VRTN: variants seen among roughly 807,000 people sequenced by gnomAD.
The protein encoded by VRTN is vertnin.
Under a neutral mutation model 18.2 loss-of-function variants are expected in VRTN, and 5 were observed. The observed-to-expected ratio is 0.27, with a 90% CI of 0.14 to 0.58. The LOEUF (loss-of-function observed/expected upper bound fraction) is 0.58. Ranked by LOEUF, VRTN falls within the 20% of genes least tolerant of loss-of-function variation. The pLI is 0.91. For missense variants in VRTN, 741 were observed against 939.4 expected (o/e 0.79, Z 2.76); for synonymous variants, 381 against 393.7 (o/e 0.97, Z 0.38).
At chr14:74,349,390 G>C (rs1181691666) in intron 1 of VRTN, among the ~76,000 whole-genome samples, 1 of 152,220 alleles carries the variant, frequency 6.6e-6, no homozygotes, top group East Asian at 1.9e-4. Context: ...GGGCAGGGCA[G>C]AGAGGCACGG....
rs1567047613 is a variant in VRTN, at chr14:74,358,947, G to A, written c.*55G>A. On this transcript the variant is annotated 3_prime_UTR_variant, in exon 2 of 2. Transcript: ENST00000256362. This position sits in a 1 kb window ranked among gnomAD's most constrained non-coding sequence, Gnocchi z 5.4. ...GGGGGACCAGTTTGGAGAGGGTCAG[G>A]GACCTGAGCTGACCCCAGGCTTGGC... The A allele has an allele frequency of 1.3e-6, 2 of 1,544,754 alleles. No homozygotes were observed. Among genetic ancestry groups the A allele is most frequent in the South Asian group, 1.3e-5 (1 of 79,682 alleles).
At chr14:74,320,505 G>GC (rs1567039591) in intron 1 of VRTN, among the ~76,000 whole-genome samples, 1 of 134,738 alleles carries the variant, frequency 7.4e-6, no homozygotes, top group African/African-American at 2.8e-5. Context: ...CTTGTGATCC[G>GC]CCCGCCTTGG....
At chr14:74,348,322 C>T (rs759494245), upstream of VRTN, 1 of 152,182 alleles carries the variant, frequency 6.6e-6, no homozygotes, top group African/African-American at 2.4e-5. Context: ...ACTTTAACAC[C>T]CCCAGCTGGG....
intron 2 of VRTN, among the ~76,000 whole-genome samples, chr14:74,340,364 G>A (rs924485658): frequency 1.3e-4 from 19 of 151,676 alleles, no homozygotes; most frequent in African/African-American, 3.9e-4. Flanking sequence ...CACCCACCTC[G>A]GCCTCCCAAA....
intron 1 of VRTN, among the ~76,000 whole-genome samples, chr14:74,309,558 A>G (rs1324868508): frequency 1.3e-5 from 2 of 152,178 alleles, no homozygotes; most frequent in African/African-American, 4.8e-5. Context: ...AAAAACACAC[A>G]GTGAGGCTAG....
intron 1 of VRTN, among the ~76,000 whole-genome samples, chr14:74,331,095 G>A (rs1036747548): frequency 3.9e-5 from 6 of 151,962 alleles, no homozygotes; most frequent in East Asian, 2.0e-4. Flanking sequence ...CCAGCTACTC[G>A]GGAGGCTGAG....
chr14:74,338,591 G>A (rs2085580575), intron 2 of VRTN, among the ~76,000 whole-genome samples: 2 of 152,186 alleles, frequency 1.3e-5, no homozygotes, highest in African/African-American at 4.8e-5. Context: ...ATCTTGCTCT[G>A]TTGCCCAGGC....
At chr14:74,334,546 A>G (rs1180599857) in intron 1 of VRTN, among the ~76,000 whole-genome samples, 1 of 152,146 alleles carries the variant, frequency 6.6e-6, no homozygotes, top group East Asian at 1.9e-4. Context: ...ACAATAAACC[A>G]ATTGCTGGGG....
chr14:74,331,420 T>A (rs1047626690), intron 1 of VRTN, among the ~76,000 whole-genome samples: 4 of 149,390 alleles, frequency 2.7e-5, no homozygotes, highest in Admixed American at 6.7e-5. Context: ...TTCCAGCTAC[T>A]CAGGAGGTTG....
At position 74,359,067 on chromosome 14, in the gene VRTN, A is replaced by ATC; in HGVS notation, c.*176_*177dup. On this transcript the variant is annotated 3_prime_UTR_variant, in exon 2 of 2. Transcript: ENST00000256362. ...GGCTCCAGGACAGAGAATGCCAGAA[A>ATC]TCAGCCATCTGGTCTCCCGTAGGAA... is the stretch of plus-strand genomic sequence containing the variant. 8.0e-7 allele frequency: 1 copy of ATC among 1,256,588 alleles called. No homozygotes were observed. Among genetic ancestry groups the ATC allele is most frequent in the Non-Finnish European group, 1.0e-6 (1 of 961,534 alleles). 77.8% of individuals were successfully genotyped at this position (1,256,588 alleles called of 1,614,324 possible).
intron 1 of VRTN, among the ~76,000 whole-genome samples, chr14:74,354,242 AGATATATAGATG>A (rs1488087264): frequency 2.0e-5 from 3 of 152,138 alleles, no homozygotes; most frequent in African/African-American, 7.2e-5. Flanking sequence ...TAACTTCATC[AGATATATAGATG>A]GAAAAAGGAG....
At chr14:74,331,581 T>G in intron 1 of VRTN, among the ~76,000 whole-genome samples, 1 of 106,710 alleles carries the variant, frequency 9.4e-6, no homozygotes, top group Non-Finnish European at 1.9e-5. Flanking sequence ...TATATATATA[T>G]ATATATATAC....
At chr14:74,351,252 G>A (rs183783217) in intron 1 of VRTN, among the ~76,000 whole-genome samples, 8 of 152,238 alleles carry the variant, frequency 5.3e-5, no homozygotes, top group Non-Finnish European at 8.8e-5. Flanking sequence ...AATGTTAAGT[G>A]CTGTCTTTAC....
Position 74,356,838 on chromosome 14 carries a change from G to A in VRTN, c.55G>A (p.Val19Met). The A allele has an allele frequency of 6.2e-7, 1 of 1,612,830 alleles. No individual in the cohort carries two copies. Among genetic ancestry groups the A allele is most frequent in the Non-Finnish European group, 8.5e-7 (1 of 1,179,450 alleles). Reference protein sequence around the residue: ...QKVLQELQEAVECEGLEGLIG... With the variant: ...QKVLQELQEAMECEGLEGLIG... ...GGTGCTGCAGGAGCTGCAGGAAGCA[G>A]TGGAGTGCGAAGGCCTGGAGGGTCT... is the stretch of plus-strand genomic sequence containing the variant. Residue 19 changes from valine to methionine, a missense_variant, in exon 2 of 2, where the codon GTG becomes ATG. Transcript: ENST00000256362.
intron 1 of VRTN, among the ~76,000 whole-genome samples, chr14:74,349,492 A>G (rs2085669696): frequency 1.3e-5 from 2 of 152,328 alleles, no homozygotes; most frequent in Non-Finnish European, 1.5e-5. Flanking sequence ...TTGACTATAG[A>G]GAACACAGCG....
chr14:74,338,495 T>C (rs2085579936), intron 2 of VRTN, among the ~76,000 whole-genome samples: 1 of 152,250 alleles, frequency 6.6e-6, no homozygotes, highest in South Asian at 2.1e-4. Context: ...GTTCACTCTT[T>C]GTGTGTCTTC....
chr14:74,306,172 A>ATTTTT (rs869043692), intron 1 of VRTN: 3 of 75,640 alleles, frequency 4.0e-5, no homozygotes, highest in Admixed American at 1.7e-4. Flanking sequence ...ATATATATAT[A>ATTTTT]TTTTTTTTTT....
At chr14:74,321,596 C>G (rs1404567162) in intron 1 of VRTN, among the ~76,000 whole-genome samples, 2 of 150,532 alleles carry the variant, frequency 1.3e-5, no homozygotes, top group Non-Finnish European at 2.9e-5. Context: ...ACCTCCACCT[C>G]CTGGGTTCAA....
intron 1 of VRTN, chr14:74,306,363 G>A (rs920587614): frequency 1.3e-5 from 2 of 151,062 alleles, no homozygotes; most frequent in Non-Finnish European, 2.9e-5. Flanking sequence ...AGAGAAGGCA[G>A]GGGTTGGGGG....
Sources: allele counts gnomAD v4.1 joint callset (sites outside exome capture counted in the v4.1 genomes callset), GRCh38; gene constraint gnomAD v4.1.1; non-coding constraint Gnocchi (gnomAD v3.1); transcripts MANE v1.5; gene names NCBI Gene and HGNC (gene_info 2026-07-23, HGNC 2026-07-21).